The following SRSF4 variants were observed in gnomAD, a reference collection of about 807,000 sequenced individuals.
SRSF4 encodes the protein serine/arginine-rich splicing factor 4.
SRSF4 carries 12 observed loss-of-function variants against 48.8 expected under a neutral mutation model. The observed-to-expected ratio is 0.25, with a 90% CI of 0.16 to 0.40. The LOEUF is 0.40. Ranked by LOEUF, SRSF4 falls within the 10% of genes least tolerant of loss-of-function variation. The probability of loss-of-function intolerance (pLI) is 1.00; values close to 1 mark genes in which losing one functional copy is unlikely to be tolerated. For synonymous variants in SRSF4, 248 were observed against 232.5 expected (o/e 1.07, Z -0.61); for missense variants, 466 against 667.1 (o/e 0.70, Z 3.32).
rs3061128 is a variant in SRSF4, at chr1:29,178,353, C to CTTTTTTTTTTTTTTT, written c.107+3292_107+3293insAAAAAAAAAAAAAAA. 1.3e-4 allele frequency among the ~76,000 whole-genome samples: 17 copies of CTTTTTTTTTTTTTTT among 127,900 alleles called. 1 individual carries two copies. Among genetic ancestry groups the CTTTTTTTTTTTTTTT allele is most frequent in the African/African-American group, 2.4e-4 (8 of 33,812 alleles). The allele number at this position is 127,900 out of a possible 152,430, so 83.9% of individuals were successfully genotyped here. On this transcript the variant is annotated intron_variant, in intron 1 of 5. Transcript: ENST00000373795. ...AAAATCTGTTTCTGAGTTTCAATTA[C>CTTTTTTTTTTTTTTT]TTTTTTTTTTGAGACAGAGTCTCGC... is the stretch of plus-strand genomic sequence containing the variant.
chr1:29,150,045 G>A, intron 5 of SRSF4, 58 bp downstream of exon 5: 2 of 1,375,338 alleles, frequency 1.5e-6, no homozygotes, highest in Non-Finnish European at 2.0e-6. Flanking sequence ...AAAAAAAAGT[G>A]AGACAGGGTA....
At chr1:29,181,548 C>T (rs1381236796) in intron 1 of SRSF4, 98 bp downstream of exon 1, 5 of 1,103,520 alleles carry the variant, frequency 4.5e-6, no homozygotes, top group African/African-American at 1.6e-5. Flanking sequence ...CCGGTAGCCG[C>T]TCCGCGCGGA....
intron 4 of SRSF4, among the ~76,000 whole-genome samples, chr1:29,151,341 A>T (rs903870816): frequency 6.6e-6 from 1 of 152,228 alleles, no homozygotes; most frequent in Non-Finnish European, 1.5e-5. Context: ...TAAAAAACTA[A>T]GAAAAATAAG....
At chr1:29,158,144 AG>A (rs1368537844) in intron 3 of SRSF4, among the ~76,000 whole-genome samples, 1 of 151,670 alleles carries the variant, frequency 6.6e-6, no homozygotes, top group Non-Finnish European at 1.5e-5. Context: ...ACTCCAGCCT[AG>A]GCGAAAGGGC....
intron 1 of SRSF4, among the ~76,000 whole-genome samples, chr1:29,167,480 G>T (rs986944550): frequency 6.6e-6 from 1 of 152,198 alleles, no homozygotes; most frequent in Non-Finnish European, 1.5e-5. Flanking sequence ...CACCTCCCAG[G>T]TTCAAGCAGT....
At chr1:29,158,086 T>C (rs1168518921) in intron 3 of SRSF4, among the ~76,000 whole-genome samples, 2 of 151,880 alleles carry the variant, frequency 1.3e-5, no homozygotes, top group African/African-American at 4.8e-5. Flanking sequence ...GCAGAACTAC[T>C]TGAACCCCAG....
intron 3 of SRSF4, among the ~76,000 whole-genome samples, chr1:29,156,841 A>G (rs571372981): frequency 6.6e-6 from 1 of 152,342 alleles, no homozygotes; most frequent in East Asian, 1.9e-4. Context: ...CAGGGGGCCA[A>G]TTGCAAAATG....
chr1:29,165,564 G>T (rs1419007056), intron 1 of SRSF4, among the ~76,000 whole-genome samples: 1 of 152,196 alleles, frequency 6.6e-6, no homozygotes, highest in Admixed American at 6.5e-5. Context: ...CTACTGAATA[G>T]GATTTACCTC....
At chr1:29,162,949 T>G (rs1406554369) in intron 1 of SRSF4, among the ~76,000 whole-genome samples, 2 of 152,310 alleles carry the variant, frequency 1.3e-5, no homozygotes, top group Middle Eastern at 3.4e-3. Context: ...TGGTAATACA[T>G]TCTCCCAGAC....
chr1:29,154,986 T>C, intron 3 of SRSF4, 76 bp from the exon 4 acceptor site: 1 of 1,377,876 alleles, frequency 7.3e-7, no homozygotes, highest in Non-Finnish European at 1.0e-6. Flanking sequence ...TGAGTGAATT[T>C]TTCCTTTAAG....
intron 3 of SRSF4, among the ~76,000 whole-genome samples, chr1:29,156,034 A>AAAAAC: frequency 6.6e-6 from 1 of 152,312 alleles, no homozygotes; most frequent in South Asian, 2.1e-4. Flanking sequence ...CTCCATCTCA[A>AAAAAC]AAAACAAAAC....
intron 1 of SRSF4, among the ~76,000 whole-genome samples, chr1:29,178,968 C>A (rs1672912490): frequency 6.6e-6 from 1 of 152,136 alleles, no homozygotes; most frequent in Non-Finnish European, 1.5e-5. Context: ...AAAATGACTT[C>A]ATTTCAACCT....
At chr1:29,163,799 T>C (rs752133404) in intron 1 of SRSF4, among the ~76,000 whole-genome samples, 40 of 152,222 alleles carry the variant, frequency 2.6e-4, no homozygotes, top group Non-Finnish European at 5.4e-4. Context: ...AACCTGTGGT[T>C]TGACACCAGG....
At chr1:29,177,338 A>T (rs1251826796) in intron 1 of SRSF4, among the ~76,000 whole-genome samples, 2 of 150,594 alleles carry the variant, frequency 1.3e-5, no homozygotes, top group African/African-American at 2.5e-5. Context: ...CTGGAGTGCA[A>T]TGGCAGGATC....
intron 3 of SRSF4, among the ~76,000 whole-genome samples, chr1:29,157,279 A>C (rs969529283): frequency 3.9e-5 from 6 of 152,116 alleles, no homozygotes; most frequent in Admixed American, 3.3e-4. Flanking sequence ...CAGTTTATAC[A>C]GGCACCCCAT....
At chr1:29,169,055 C>T in intron 1 of SRSF4, 1 of 152,240 alleles carries the variant, frequency 6.6e-6, no homozygotes, top group East Asian at 1.9e-4. Context: ...CACTAGGACT[C>T]TTCTTCACAT....
intron 1 of SRSF4, among the ~76,000 whole-genome samples, chr1:29,178,413 G>C (rs555590359): frequency 5.6e-5 from 8 of 142,862 alleles, no homozygotes; most frequent in African/African-American, 1.8e-4. Context: ...GCACGATCTC[G>C]GCTCACTGCA....
intron 1 of SRSF4, among the ~76,000 whole-genome samples, chr1:29,160,944 T>C (rs1672585804): frequency 6.6e-6 from 1 of 152,244 alleles, no homozygotes; most frequent in Non-Finnish European, 1.5e-5. Flanking sequence ...TCAGGCACTG[T>C]GTAATAACTG....
At chr1:29,161,652 G>T (rs555699085) in intron 1 of SRSF4, among the ~76,000 whole-genome samples, 3 of 152,126 alleles carry the variant, frequency 2.0e-5, no homozygotes, top group African/African-American at 7.2e-5. Context: ...AGGCTGGAGC[G>T]CAGTGGTGCG....
Sources: gnomAD v4.1 joint callset for allele counts (sites outside exome capture counted in the v4.1 genomes callset) on GRCh38, gnomAD v4.1.1 for gene constraint, MANE v1.5 for transcripts, NCBI Gene and HGNC (gene_info 2026-07-23, HGNC 2026-07-21) for gene names.